The following USH2A variants were observed in gnomAD, a reference collection of about 807,000 sequenced individuals.
USH2A encodes usherin.
In USH2A, 443 loss-of-function variants were observed where a neutral mutation model predicts 538.9. The ratio of observed to expected loss-of-function variants is 0.82; its 90% confidence interval spans 0.76 to 0.89. The LOEUF is 0.89. Among genes scored for constraint, USH2A ranks in the 40% least tolerant of loss-of-function variants. The pLI, the probability that USH2A is intolerant of heterozygous loss-of-function variation, is 0.00. For missense variants in USH2A, 6,633 were observed against 6,324.8 expected, an observed-to-expected ratio of 1.05 and a Z score of -1.65; for synonymous variants, 2,413 against 2,273.5, an observed-to-expected ratio of 1.06 and a Z score of -1.75.
chr1:215,664,017 C>T (rs962945744), intron 64 of USH2A, among the ~76,000 whole-genome samples: 7 of 152,086 alleles, frequency 4.6e-5, no homozygotes, highest in African/African-American at 1.2e-4. Context: ...CTACATCATC[C>T]GAGTCCTGCA....
At chr1:216,190,900 G>A (rs2034702919) in intron 19 of USH2A, among the ~76,000 whole-genome samples, 1 of 152,058 alleles carries the variant, frequency 6.6e-6, no homozygotes, top group Admixed American at 6.6e-5. Context: ...TCCACGTTAA[G>A]TCAATTCTCA....
At chr1:216,316,651 G>A (rs980463191) in intron 9 of USH2A, among the ~76,000 whole-genome samples, 2 of 152,138 alleles carry the variant, frequency 1.3e-5, no homozygotes, top group Admixed American at 6.5e-5. Context: ...AAAAATTTGT[G>A]TCATTTTTTA....
At chr1:216,015,070 A>G (rs73092691) in intron 32 of USH2A, among the ~76,000 whole-genome samples, 2,224 of 152,310 alleles carry the variant, frequency 0.015, 44 homozygotes, top group African/African-American at 0.051. Flanking sequence ...AATTAAAAAC[A>G]CAGCTTTTTC....
At chr1:215,746,821 T>C (rs1660484866) in intron 58 of USH2A, among the ~76,000 whole-genome samples, 1 of 152,176 alleles carries the variant, frequency 6.6e-6, no homozygotes, top group African/African-American at 2.4e-5. Flanking sequence ...GAACCTATCA[T>C]GACCTTAAGG....
At chr1:215,930,783 C>T (rs1329952968) in intron 38 of USH2A, among the ~76,000 whole-genome samples, 3 of 152,010 alleles carry the variant, frequency 2.0e-5, no homozygotes, top group Non-Finnish European at 1.5e-5. Context: ...CGTTGAAATC[C>T]TAACCCCATT....
intron 11 of USH2A, among the ~76,000 whole-genome samples, chr1:216,263,331 G>A (rs778262249): frequency 6.6e-6 from 1 of 151,982 alleles, no homozygotes; most frequent in African/African-American, 2.4e-5. Context: ...AAAACTACAG[G>A]CCAATATTCC....
rs1400376801 is a variant in USH2A, at chr1:216,422,415, T to C, written c.-79A>G. The C allele has an allele frequency of 5.6e-6, 9 of 1,597,114 alleles. No homozygotes were observed. Among genetic ancestry groups the C allele is most frequent in the Non-Finnish European group, 6.0e-6 (7 of 1,170,412 alleles). On this transcript the variant is annotated 5_prime_UTR_variant, in exon 2 of 72. Transcript: ENST00000307340. ...GCCCACGCCACTTGCCAGCAATACT[T>C]TGAAGCAGGGTACTTTAAGTGATGT...
At chr1:215,969,641 T>C (rs11120703) in intron 36 of USH2A, among the ~76,000 whole-genome samples, 22,412 of 151,910 alleles carry the variant, frequency 0.15, 1,815 homozygotes, top group African/African-American at 0.21. Context: ...GGCTATAAAA[T>C]GCTTAATGGC....
rs368681648 is a variant in USH2A at position 215,900,827 on chromosome 1, C to T, written c.7379G>A (p.Arg2460His). 1.0e-4 allele frequency: 164 copies of T among 1,613,692 alleles called. No individual in the cohort carries two copies. Among genetic ancestry groups the T allele is most frequent in the Non-Finnish European group, 1.2e-4 (142 of 1,179,822 alleles). Residue 2460 changes from arginine to histidine, a missense_variant, in exon 39 of 72, where the codon CGT becomes CAT. By Grantham distance (29) the Arg-to-His change is conservative. Transcript: ENST00000307340. ...SLQVVWSTPA[R>H]NNAPGSPRYQ... ...TCTGGGAGAGCCAGGAGCGTTATTA[C>T]GAGCTGGTGTAGACCAGACAACCTG...
At position 216,090,545 on chromosome 1, in the gene USH2A, C is replaced by G. The variant is rs560465068; in HGVS notation, c.4759-1406G>C. Among the ~76,000 whole-genome samples the G allele has an allele frequency of 7.2e-4, 110 of 152,060 alleles. 1 individual carries two copies. Among genetic ancestry groups the G allele is most frequent in the African/African-American group, 2.6e-3 (107 of 41,524 alleles). ...CTCCATCAGCTAGAAACATGACCAT[C>G]TGGCAAGTTCTAGTCTTCGTATTTT... On this transcript the variant is annotated intron_variant, in intron 22 of 71. Transcript: ENST00000307340.
chr1:216,069,103 G>C (rs114131336), intron 30 of USH2A, among the ~76,000 whole-genome samples: 32 of 152,202 alleles, frequency 2.1e-4, no homozygotes, highest in Non-Finnish European at 2.8e-4. Context: ...CTGAAAGTGG[G>C]GTTGAGCATT....
intron 30 of USH2A, among the ~76,000 whole-genome samples, chr1:216,066,322 A>G (rs2031368158): frequency 6.6e-6 from 1 of 151,994 alleles, no homozygotes; most frequent in African/African-American, 2.4e-5. Flanking sequence ...TACAAAAAAA[A>G]TTACCCGGGC....
intron 3 of USH2A, among the ~76,000 whole-genome samples, chr1:216,400,463 C>T (rs191547430): frequency 6.7e-6 from 1 of 149,838 alleles, no homozygotes; most frequent in East Asian, 1.9e-4. Flanking sequence ...AAAGAGTTAA[C>T]ATTTGTATAA....
chr1:215,961,057 C>T lies in USH2A; in HGVS notation c.7120+4260G>A, dbSNP rs1667187104. The stretch of plus-strand genomic sequence containing the variant: ...TCTAATTAATTAGATTATCATTTTC[C>T]CCTGGTAAGATGCCTGCATTTTAGA... On this transcript the variant is annotated intron_variant, in intron 37 of 71. Coordinates refer to ENST00000307340, the MANE Select transcript of USH2A (RefSeq NM_206933.4). 2.6e-5 allele frequency among the ~76,000 whole-genome samples: 4 copies of T among 151,982 alleles called. No individual in the cohort carries two copies. The South Asian group carries it at 8.3e-4, about 32-fold the overall frequency.
intron 32 of USH2A, among the ~76,000 whole-genome samples, chr1:216,030,148 A>G (rs1209446242): frequency 2.1e-5 from 3 of 143,754 alleles, no homozygotes; most frequent in Non-Finnish European, 4.5e-5. Flanking sequence ...TATATAATAT[A>G]TATGATATAT....
chr1:215,675,588 A>C lies in USH2A; in HGVS notation c.12323T>G (p.Leu4108Arg). ...CTGACGATTCAAACCAGAGTACTCC[A>C]GGAACCCGTCACTGAAGATGTTGTA... is the stretch of plus-strand genomic sequence containing the variant. ...KTYNIFSDGF[L>R]EYSGLNRQFL... Residue 4108 changes from leucine to arginine, a missense_variant, in exon 63 of 72, where the codon CTG becomes CGG. Physicochemically the swap from Leu to Arg is moderately radical, Grantham distance 102. Coordinates refer to ENST00000307340, the MANE Select transcript of USH2A (RefSeq NM_206933.4). The C allele has an allele frequency of 6.2e-7, 1 of 1,614,174 alleles. No individual in the cohort carries two copies. Among genetic ancestry groups the C allele is most frequent in the Non-Finnish European group, 8.5e-7 (1 of 1,180,024 alleles).
At chr1:215,661,610 A>G (rs1657439654) in intron 64 of USH2A, among the ~76,000 whole-genome samples, 1 of 152,196 alleles carries the variant, frequency 6.6e-6, no homozygotes, top group Non-Finnish European at 1.5e-5. Flanking sequence ...GAATATTTTG[A>G]ACCATTACAT....
chr1:216,153,366 C>T (rs1385049728), intron 21 of USH2A, among the ~76,000 whole-genome samples: 1 of 152,166 alleles, frequency 6.6e-6, no homozygotes, highest in East Asian at 1.9e-4. Flanking sequence ...GGCTCCCACA[C>T]CTGCCCATCT....
chr1:216,014,785 C>T (rs757662351), intron 32 of USH2A, among the ~76,000 whole-genome samples: 1 of 152,182 alleles, frequency 6.6e-6, no homozygotes, highest in Non-Finnish European at 1.5e-5. Flanking sequence ...TTACCGATTA[C>T]TGTCAAGCAA....
Sources: allele counts gnomAD v4.1 joint callset (sites outside exome capture counted in the v4.1 genomes callset), GRCh38; gene constraint gnomAD v4.1.1; transcripts MANE v1.5; gene names NCBI Gene and HGNC (gene_info 2026-07-23, HGNC 2026-07-21).